LAMA2: variants seen among roughly 807,000 people sequenced by gnomAD.
LAMA2 encodes the protein laminin subunit alpha-2.
In LAMA2, 269 loss-of-function variants were observed where a neutral mutation model predicts 364.8. The observed-to-expected ratio is 0.74, with a 90% CI of 0.67 to 0.82. The LOEUF (loss-of-function observed/expected upper bound fraction) is 0.82, where lower values mean the gene tolerates loss of function less well. Ranked by LOEUF, LAMA2 falls within the 40% of genes least tolerant of loss-of-function variation. LAMA2 has a pLI of 0.00. For synonymous variants in LAMA2, 1,379 were observed against 1,370.6 expected (o/e 1.01, Z -0.14); for missense variants, 3,807 against 3,873.2 (o/e 0.98, Z 0.45).
intron 13 of LAMA2, among the ~76,000 whole-genome samples, chr6:129,251,835 T>G (rs1293382497): frequency 6.6e-6 from 1 of 151,998 alleles, no homozygotes; most frequent in African/African-American, 2.4e-5. Flanking sequence ...TTATGGAGGC[T>G]GAGGCATGAG....
intron 1 of LAMA2, among the ~76,000 whole-genome samples, chr6:128,891,037 C>T (rs1776421866): frequency 6.6e-6 from 1 of 152,034 alleles, no homozygotes; most frequent in Non-Finnish European, 1.5e-5. Context: ...ATTGCAGCAC[C>T]AGTGCACATG....
chr6:129,316,015 G>C, intron 26 of LAMA2, 23 bp from the exon 27 acceptor site: 1 of 1,614,028 alleles, frequency 6.2e-7, no homozygotes, highest in Non-Finnish European at 8.5e-7. Context: ...TTTTGTCATA[G>C]TGATTTCTCT....
At chr6:129,122,573 TC>T (rs1489460763) in intron 4 of LAMA2, among the ~76,000 whole-genome samples, 1 of 152,236 alleles carries the variant, frequency 6.6e-6, no homozygotes, top group Non-Finnish European at 1.5e-5. Flanking sequence ...CTGATTTTTT[TC>T]CTAAGGGTTT....
intron 1 of LAMA2, among the ~76,000 whole-genome samples, chr6:128,890,212 C>A (rs868600575): frequency 6.6e-6 from 1 of 152,148 alleles, no homozygotes; most frequent in African/African-American, 2.4e-5. Flanking sequence ...AGCATTAACA[C>A]ATTTACTTAC....
At chr6:129,236,188 A>T (rs546313149) in intron 12 of LAMA2, among the ~76,000 whole-genome samples, 1 of 152,342 alleles carries the variant, frequency 6.6e-6, no homozygotes, top group Non-Finnish European at 1.5e-5. Context: ...ATGAGCAAGA[A>T]AATTTTTGAA....
intron 51 of LAMA2, among the ~76,000 whole-genome samples, chr6:129,470,907 A>C (rs1438953522): frequency 6.6e-6 from 1 of 151,886 alleles, no homozygotes; most frequent in Non-Finnish European, 1.5e-5. Flanking sequence ...TCAGTTACAG[A>C]ACCACAGTCC....
chr6:129,514,506 T>A lies in LAMA2; in HGVS notation c.9122T>A (p.Val3041Asp). 1 of 1,614,086 alleles carries A rather than the reference T, an allele frequency of 6.2e-7. No individual in the cohort carries two copies. Among genetic ancestry groups the A allele is most frequent in the Non-Finnish European group, 8.5e-7 (1 of 1,180,006 alleles). ...ATCAAACACCGCATTGAGCTCACAG[T>A]CGATGGGAACCAGGTGGAAGCCCAA... ...NKIKHRIELT[V>D]DGNQVEAQSP... Residue 3041 changes from valine (V) to aspartate (D), a missense_variant, in exon 64 of 65, where the codon GTC becomes GAC. Val to Asp is a radical substitution (Grantham distance 152). Transcript: ENST00000421865.
intron 4 of LAMA2, among the ~76,000 whole-genome samples, chr6:129,138,171 A>G (rs773177725): frequency 6.6e-5 from 10 of 152,082 alleles, no homozygotes; most frequent in Non-Finnish European, 1.0e-4. Context: ...ATTTGAGTGA[A>G]TGAGTGATAG....
At position 129,175,641 on chromosome 6, in the gene LAMA2, T is replaced by C. The variant is rs557491781; in HGVS notation, c.1307-2065T>C. Among the ~76,000 whole-genome samples the C allele has an allele frequency of 2.6e-5, 4 of 152,178 alleles. No homozygotes were observed. In the East Asian group the frequency reaches 5.8e-4, roughly 22 times the overall value. ...TTACTCGTAAGTGGGAGTTGAACAA[T>C]GAGAACACATGAACACAGACAGGGG... On this transcript the variant is annotated intron_variant, in intron 9 of 64. Coordinates refer to ENST00000421865, the MANE Select transcript of LAMA2 (RefSeq NM_000426.4).
chr6:129,184,367 T>G, intron 10 of LAMA2, among the ~76,000 whole-genome samples: 1 of 151,886 alleles, frequency 6.6e-6, no homozygotes, highest in East Asian at 1.9e-4. Flanking sequence ...TTGCAACCCC[T>G]ACAGTTCAAA....
chr6:129,219,074 T>C (rs1783617192), intron 12 of LAMA2, among the ~76,000 whole-genome samples: 2 of 152,176 alleles, frequency 1.3e-5, no homozygotes, highest in Non-Finnish European at 2.9e-5. Context: ...TATGTCAAAA[T>C]ACATGGGTCA....
At chr6:129,151,463 G>A (rs1307172431) in intron 7 of LAMA2, among the ~76,000 whole-genome samples, 1 of 152,166 alleles carries the variant, frequency 6.6e-6, no homozygotes, top group Non-Finnish European at 1.5e-5. Flanking sequence ...TATGGTGGGA[G>A]GATCTCTTGA....
chr6:129,233,221 A>G (rs1224449726), intron 12 of LAMA2, among the ~76,000 whole-genome samples: 2 of 152,152 alleles, frequency 1.3e-5, no homozygotes, highest in Non-Finnish European at 2.9e-5. Context: ...GAACCATGAG[A>G]TAATATATTT....
At chr6:128,936,475 TC>T (rs1187271234) in intron 1 of LAMA2, among the ~76,000 whole-genome samples, 5 of 152,118 alleles carry the variant, frequency 3.3e-5, no homozygotes, top group African/African-American at 1.2e-4. Flanking sequence ...TATACAGTAG[TC>T]CCCCTTTATG....
intron 1 of LAMA2, among the ~76,000 whole-genome samples, chr6:128,988,007 G>C (rs377221126): frequency 6.6e-6 from 1 of 152,212 alleles, no homozygotes; most frequent in African/African-American, 2.4e-5. Context: ...TGGGATTACA[G>C]GCATCCGGCA....
intron 1 of LAMA2, among the ~76,000 whole-genome samples, chr6:129,040,176 T>C (rs1786989242): frequency 6.6e-6 from 1 of 152,214 alleles, no homozygotes; most frequent in African/African-American, 2.4e-5. Flanking sequence ...TAATGCTGGT[T>C]GACATTTATC....
chr6:129,201,396 G>A (rs1286271172), intron 12 of LAMA2, among the ~76,000 whole-genome samples: 3 of 152,242 alleles, frequency 2.0e-5, no homozygotes, highest in African/African-American at 7.2e-5. Context: ...AAGAGAAACC[G>A]GAGTACTGAG....
At chr6:129,423,571 TA>T (rs1021875429) in intron 40 of LAMA2, among the ~76,000 whole-genome samples, 8 of 151,650 alleles carry the variant, frequency 5.3e-5, no homozygotes, top group East Asian at 1.9e-4. Flanking sequence ...TGCTATCTAT[TA>T]AAAAAAAGTT....
intron 13 of LAMA2, 36 bp downstream of exon 13, chr6:129,250,249 C>T: frequency 8.0e-7 from 1 of 1,245,946 alleles, no homozygotes; most frequent in Non-Finnish European, 1.2e-6. Flanking sequence ...CGTGTTACTT[C>T]CTGATGTTAC....
Sources: allele counts gnomAD v4.1 joint callset (sites outside exome capture counted in the v4.1 genomes callset), GRCh38; gene constraint gnomAD v4.1.1; transcripts MANE v1.5; gene names NCBI Gene and HGNC (gene_info 2026-07-23, HGNC 2026-07-21).